Variants in UBE2G1 observed in about 807,000 individuals in gnomAD.
UBE2G1 encodes ubiquitin-conjugating enzyme E2 G1.
Under a neutral mutation model 22.7 loss-of-function variants are expected in UBE2G1, and 5 were observed. The observed-to-expected ratio is 0.22, with a 90% confidence interval of 0.12 to 0.46. UBE2G1 has a LOEUF of 0.46. Ranked by LOEUF, UBE2G1 falls within the 20% of genes least tolerant of loss-of-function variation. UBE2G1 has a pLI of 0.99. For synonymous variants in UBE2G1, 74 were observed against 67.5 expected (o/e 1.10, Z -0.47); for missense variants, 88 against 203.9 (o/e 0.43, Z 3.46).
intron 1 of UBE2G1, among the ~76,000 whole-genome samples, chr17:4,337,747 A>G (rs1969666361): frequency 2.0e-5 from 3 of 152,188 alleles, no homozygotes; most frequent in Admixed American, 6.5e-5. Context: ...GCCACAGCCT[A>G]AACACCTTCA....
At chr17:4,340,912 AC>A (rs369500830) in intron 1 of UBE2G1, among the ~76,000 whole-genome samples, 3,558 of 139,310 alleles carry the variant, frequency 0.026, 160 homozygotes, top group African/African-American at 0.087. Flanking sequence ...AAAAAAAAAA[AC>A]AAAACCTTCA....
chr17:4,345,044 T>C (rs1396975059), intron 1 of UBE2G1, among the ~76,000 whole-genome samples: 1 of 152,102 alleles, frequency 6.6e-6, no homozygotes, highest in Admixed American at 6.6e-5. Context: ...GCTTTGCAAA[T>C]ACATTAATTC....
rs190730464 is a variant in UBE2G1, at chr17:4,299,736, A to G, written c.150-2922T>C. Among the ~76,000 whole-genome samples, 82 of 151,522 alleles carry G rather than the reference A, an allele frequency of 5.4e-4. 1 individual carries two copies. Among genetic ancestry groups the G allele is most frequent in the Non-Finnish European group, 1.0e-4 (7 of 67,878 alleles). On this transcript the variant is annotated intron_variant, in intron 2 of 5. Transcript: ENST00000396981. ...TTGCCCACTCTGAAGCAACCATAGC[A>G]TTTCTGAGTTTTTCTCCTATCTGTG...
chr17:4,315,467 G>A (rs1172199962), intron 1 of UBE2G1, among the ~76,000 whole-genome samples: 1 of 152,088 alleles, frequency 6.6e-6, no homozygotes, highest in African/African-American at 2.4e-5. Context: ...TTGGCCGGGC[G>A]CTGTGGCTCG....
intron 1 of UBE2G1, among the ~76,000 whole-genome samples, chr17:4,358,762 AC>A (rs2076265531): frequency 6.6e-6 from 1 of 152,112 alleles, no homozygotes; most frequent in African/African-American, 2.4e-5. Flanking sequence ...GACCAGCCTG[AC>A]TAATATAGAG....
At chr17:4,328,913 CGT>C (rs1567524580) in intron 1 of UBE2G1, among the ~76,000 whole-genome samples, 31 of 151,914 alleles carry the variant, frequency 2.0e-4, no homozygotes, top group African/African-American at 7.3e-4. Context: ...GGTGAAACTC[CGT>C]CTCTACTAAA....
chr17:4,326,078 C>T (rs927433401), intron 1 of UBE2G1, among the ~76,000 whole-genome samples: 1 of 151,944 alleles, frequency 6.6e-6, no homozygotes. Context: ...TTGGACATGA[C>T]ACCAAGAGCA....
intron 1 of UBE2G1, among the ~76,000 whole-genome samples, chr17:4,325,885 AAAC>A (rs1171687318): frequency 6.6e-6 from 1 of 152,216 alleles, no homozygotes; most frequent in Non-Finnish European, 1.5e-5. Flanking sequence ...ATCTTTCAAT[AAAC>A]AACACTAGGG....
intron 2 of UBE2G1, chr17:4,302,128 A>G (rs912953026): frequency 1.1e-5 from 6 of 525,286 alleles, no homozygotes; most frequent in Middle Eastern, 3.4e-4. Context: ...TGTGTCTGCT[A>G]TTGTGTTGCC....
intron 1 of UBE2G1, among the ~76,000 whole-genome samples, chr17:4,307,640 C>G (rs1256702152): frequency 1.3e-5 from 2 of 152,206 alleles, no homozygotes; most frequent in Admixed American, 6.5e-5. Flanking sequence ...GTGGGTGCTC[C>G]TGTGTGCCCA....
At chr17:4,325,000 C>T (rs374990285) in intron 1 of UBE2G1, among the ~76,000 whole-genome samples, 3 of 151,972 alleles carry the variant, frequency 2.0e-5, no homozygotes, top group African/African-American at 7.2e-5. Context: ...CGGCGTGAAC[C>T]CAGGAGGCAA....
At chr17:4,362,951 T>G (rs556982972) in intron 1 of UBE2G1, among the ~76,000 whole-genome samples, 1 of 152,040 alleles carries the variant, frequency 6.6e-6, no homozygotes, top group Non-Finnish European at 1.5e-5. Flanking sequence ...GGTGAAACCC[T>G]GTCTCTACTA....
At chr17:4,287,993 C>T in intron 4 of UBE2G1, among the ~76,000 whole-genome samples, 1 of 152,092 alleles carries the variant, frequency 6.6e-6, no homozygotes, top group Non-Finnish European at 1.5e-5. Context: ...TAACGACAGA[C>T]TTGTACTGTG....
chr17:4,358,549 C>T (rs937902795), intron 1 of UBE2G1, among the ~76,000 whole-genome samples: 2 of 152,032 alleles, frequency 1.3e-5, no homozygotes, highest in African/African-American at 4.8e-5. Context: ...CAGTTTGTAG[C>T]TTGTCTTTGC....
Position 4,289,412 on chromosome 17 carries a change from C to T in UBE2G1, c.248-4G>A, listed in dbSNP as rs1227026483. 1.4e-6 allele frequency: 2 copies of T among 1,475,746 alleles called. No individual in the cohort carries two copies. The highest frequency in any genetic ancestry group is 5.1e-5 in the East Asian group (2 of 39,152). 91.4% of individuals were successfully genotyped at this position (1,475,746 alleles called of 1,614,324 possible). On this transcript the variant is annotated splice_region_variant and splice_polypyrimidine_tract_variant and intron_variant, in intron 3 of 5. Coordinates refer to ENST00000396981, the MANE Select transcript of UBE2G1 (RefSeq NM_003342.5). ...CACACATCACCATTTTTATCAACTG[C>T]AAAATTCAAGAAGAGGCTTGTTTCA...
At chr17:4,336,481 GAT>G (rs1969648589) in intron 1 of UBE2G1, among the ~76,000 whole-genome samples, 1 of 152,040 alleles carries the variant, frequency 6.6e-6, no homozygotes, top group Non-Finnish European at 1.5e-5. Flanking sequence ...AATCTATAAA[GAT>G]ATGTTATAAA....
intron 1 of UBE2G1, among the ~76,000 whole-genome samples, chr17:4,348,041 G>T: frequency 6.6e-6 from 1 of 152,170 alleles, no homozygotes; most frequent in Non-Finnish European, 1.5e-5. Context: ...TGTTCAAGTG[G>T]TCTCACTTTA....
intron 3 of UBE2G1, among the ~76,000 whole-genome samples, chr17:4,291,358 C>A (rs868162914): frequency 1.5e-3 from 175 of 117,954 alleles, no homozygotes; most frequent in South Asian, 3.2e-3. Context: ...AACTCCATCT[C>A]AAAAAAAAAA....
Position 4,284,834 on chromosome 17 carries a change from CTTTCTTTTTTTTTTTT to C in UBE2G1, c.427-1929_427-1914del, listed in dbSNP as rs1968941990. The stretch of plus-strand genomic sequence containing the variant: ...TTTTCTTTTTCTTTTCTTTTCTTTT[CTTTCTTTTTTTTTTTT>C]TTTTTTTTTTTGGAGATAGGGTCTC... On this transcript the variant is annotated intron_variant, in intron 4 of 5. Coordinates refer to ENST00000396981, the MANE Select transcript of UBE2G1 (RefSeq NM_003342.5). Among the ~76,000 whole-genome samples, 3 of 83,492 alleles carry C rather than the reference CTTTCTTTTTTTTTTTT, an allele frequency of 3.6e-5. 1 individual carries two copies. In the South Asian group the frequency reaches 1.4e-3, roughly 38 times the overall value. The allele number at this position is 83,492 out of a possible 152,430, so 54.8% of individuals were successfully genotyped here. A position where few individuals can be genotyped will look rare whatever the true frequency, so the allele number is the denominator to read the frequency against.
Sources: gnomAD v4.1 joint callset for allele counts (sites outside exome capture counted in the v4.1 genomes callset) on GRCh38, gnomAD v4.1.1 for gene constraint, MANE v1.5 for transcripts, NCBI Gene and HGNC (gene_info 2026-07-23, HGNC 2026-07-21) for gene names.